The following GRM5 variants were observed in gnomAD, a reference collection of about 807,000 sequenced individuals.
GRM5 encodes glutamate metabotropic receptor 5, also known as metabotropic glutamate receptor 5.
A neutral mutation model predicts 83.1 loss-of-function variants in GRM5; 19 were observed. The observed-to-expected ratio is 0.23, with a 90% CI of 0.16 to 0.34. The LOEUF (loss-of-function observed/expected upper bound fraction) is 0.34. GRM5 is among the 10% of genes least tolerant of loss of function. The pLI is 1.00. For missense variants in GRM5, 1,160 were observed against 1,588.3 expected (o/e 0.73, Z 4.58); for synonymous variants, 675 against 633.6 (o/e 1.07, Z -0.98).
intron 2 of GRM5, among the ~76,000 whole-genome samples, chr11:88,892,476 AT>A (rs1945162241): frequency 6.6e-6 from 1 of 152,046 alleles, no homozygotes; most frequent in South Asian, 2.1e-4. Context: ...GAGATTCCTT[AT>A]GGAACAGAGT....
chr11:88,976,081 ATTAG>A (rs991051927), intron 2 of GRM5, among the ~76,000 whole-genome samples: 17 of 152,160 alleles, frequency 1.1e-4, no homozygotes, highest in African/African-American at 3.6e-4. Flanking sequence ...CACCTATTTG[ATTAG>A]TTAATTTGAT....
chr11:88,805,765 A>G (rs1052971185), intron 3 of GRM5, among the ~76,000 whole-genome samples: 3 of 152,180 alleles, frequency 2.0e-5, no homozygotes, highest in South Asian at 2.1e-4. Flanking sequence ...TATATACTCA[A>G]TAATGTTTTC....
intron 3 of GRM5, among the ~76,000 whole-genome samples, chr11:88,690,641 G>A (rs1029586403): frequency 4.6e-5 from 7 of 152,188 alleles, no homozygotes; most frequent in Non-Finnish European, 7.3e-5. Context: ...CACACTAGGT[G>A]TGGAGATGCC....
chr11:88,998,035 G>T (rs1343314852), intron 2 of GRM5, among the ~76,000 whole-genome samples: 1 of 151,112 alleles, frequency 6.6e-6, no homozygotes, highest in African/African-American at 2.4e-5. Flanking sequence ...ATGAGAGGGG[G>T]CAGGAGAAGA....
At chr11:88,630,868 G>A (rs562404368) in intron 4 of GRM5, among the ~76,000 whole-genome samples, 4 of 152,190 alleles carry the variant, frequency 2.6e-5, no homozygotes, top group South Asian at 2.1e-4. Flanking sequence ...ATGAGCCACT[G>A]TGCCCAGCCA....
intron 5 of GRM5, among the ~76,000 whole-genome samples, chr11:88,603,600 C>G (rs1938059803): frequency 6.6e-6 from 1 of 151,950 alleles, no homozygotes; most frequent in Non-Finnish European, 1.5e-5. Flanking sequence ...GGCAAACAGC[C>G]TAGTTATAGC....
intron 3 of GRM5, among the ~76,000 whole-genome samples, chr11:88,838,050 A>ACTCCAGCC (rs1458210076): frequency 8.2e-6 from 1 of 122,424 alleles, no homozygotes; most frequent in Non-Finnish European, 1.6e-5. Flanking sequence ...GCGCCACTGC[A>ACTCCAGCC]CTCCAGCCTG....
chr11:88,543,735 T>A (rs1455017212), intron 8 of GRM5, among the ~76,000 whole-genome samples: 2 of 151,706 alleles, frequency 1.3e-5, no homozygotes, highest in Non-Finnish European at 2.9e-5. Context: ...TTACTAACAT[T>A]ATTTTTTATG....
chr11:88,830,912 G>C (rs762498121), intron 3 of GRM5, among the ~76,000 whole-genome samples: 3 of 152,104 alleles, frequency 2.0e-5, no homozygotes, highest in Non-Finnish European at 2.9e-5. Context: ...GGCAAAGAAA[G>C]AGCTTGTGCA....
At chr11:88,542,241 TCA>T (rs944321196) in intron 8 of GRM5, among the ~76,000 whole-genome samples, 13 of 152,224 alleles carry the variant, frequency 8.5e-5, no homozygotes, top group African/African-American at 2.9e-4. Flanking sequence ...TTGCTGAAAG[TCA>T]CACAGTTAGA....
At chr11:88,854,058 GTATA>G (rs10525785) in intron 2 of GRM5, among the ~76,000 whole-genome samples, 16 of 121,194 alleles carry the variant, frequency 1.3e-4, no homozygotes, top group East Asian at 2.4e-4. Flanking sequence ...AAAATGTGGT[GTATA>G]TATATATATA....
intron 3 of GRM5, among the ~76,000 whole-genome samples, chr11:88,716,642 A>T (rs1941406339): frequency 2.6e-5 from 4 of 151,990 alleles, no homozygotes; most frequent in Admixed American, 2.6e-4. Context: ...ACACTGTACC[A>T]AATACTGTAA....
chr11:88,925,852 T>C, intron 2 of GRM5: 2 of 411,374 alleles, frequency 4.9e-6, no homozygotes, highest in South Asian at 3.4e-5. Flanking sequence ...GAGGTTACAG[T>C]GAGCCGAGAT....
chr11:88,592,289 A>G (rs1434076094), intron 6 of GRM5, among the ~76,000 whole-genome samples: 2 of 152,224 alleles, frequency 1.3e-5, no homozygotes, highest in African/African-American at 2.4e-5. Context: ...AGGATTAAAT[A>G]AAACAACACA....
At chr11:88,873,998 T>C (rs1944810461) in intron 2 of GRM5, among the ~76,000 whole-genome samples, 1 of 151,774 alleles carries the variant, frequency 6.6e-6, no homozygotes, top group African/African-American at 2.4e-5. Flanking sequence ...TATGGATATG[T>C]ACAACCTACC....
intron 4 of GRM5, among the ~76,000 whole-genome samples, chr11:88,647,849 C>G (rs1303935757): frequency 6.6e-6 from 1 of 151,940 alleles, no homozygotes; most frequent in African/African-American, 2.4e-5. Flanking sequence ...TGAAGGACAT[C>G]AACAGACACT....
chr11:88,728,101 A>C (rs556163350), intron 3 of GRM5, among the ~76,000 whole-genome samples: 2 of 152,270 alleles, frequency 1.3e-5, no homozygotes, highest in African/African-American at 4.8e-5. Context: ...TGGTTTTTTG[A>C]AAAGATTAAC....
At chr11:88,859,714 T>C (rs1411103810) in intron 2 of GRM5, among the ~76,000 whole-genome samples, 4 of 152,162 alleles carry the variant, frequency 2.6e-5, no homozygotes, top group Non-Finnish European at 5.9e-5. Context: ...TTCAATTTAG[T>C]CCTGTGGTTC....
chr11:88,689,743 A>C (rs971734268), intron 3 of GRM5, among the ~76,000 whole-genome samples: 2 of 152,270 alleles, frequency 1.3e-5, no homozygotes, highest in Non-Finnish European at 1.5e-5. Flanking sequence ...GTCTGACGTC[A>C]GTTCATGACC....
Sources: gnomAD v4.1 joint callset for allele counts (sites outside exome capture counted in the v4.1 genomes callset) on GRCh38, gnomAD v4.1.1 for gene constraint, MANE v1.5 for transcripts, NCBI Gene and HGNC (gene_info 2026-07-23, HGNC 2026-07-21) for gene names.